SYNE1: variants seen among roughly 807,000 people sequenced by gnomAD.
SYNE1 encodes the protein spectrin repeat containing nuclear envelope protein 1.
SYNE1 carries 616 observed loss-of-function variants against 1,111.0 expected under a neutral mutation model. The ratio of observed to expected loss-of-function variants is 0.55; its 90% CI spans 0.52 to 0.59. The LOEUF (loss-of-function observed/expected upper bound fraction) is 0.59, where lower values mean the gene tolerates loss of function less well. Ranked by LOEUF, SYNE1 falls within the 20% of genes least tolerant of loss-of-function variation. SYNE1 has a pLI of 0.00. For missense variants in SYNE1, 10,006 were observed against 10,417.0 expected, an observed-to-expected ratio of 0.96 and a Z score of 1.72; for synonymous variants, 3,855 against 3,825.8, an observed-to-expected ratio of 1.01 and a Z score of -0.28.
chr6:152,347,162 C>A lies in SYNE1; in HGVS notation c.11975G>T (p.Gly3992Val), dbSNP rs1300563595. The A allele has an allele frequency of 6.2e-7, 1 of 1,614,096 alleles. No homozygotes were observed. The highest frequency in any genetic ancestry group is 8.5e-7 in the Non-Finnish European group (1 of 1,180,016). Reference sequence around the variant, plus strand: ...CGCTTGCAGGTGGTCTGCACATTGGCCAATCAAAGTATCACCTTTCATTTG... The same window carrying A: ...CGCTTGCAGGTGGTCTGCACATTGGACAATCAAAGTATCACCTTTCATTTG... ...NLQMKGDTLI[G>V]QCADHLQAKL... Residue 3992 changes from glycine to valine, a missense_variant, in exon 73 of 146, where the codon GGC (glycine) becomes GTC (valine). Coordinates refer to ENST00000367255, the MANE Select transcript of SYNE1 (RefSeq NM_182961.4).
chr6:152,367,061 G>T, intron 62 of SYNE1, 157 bp downstream of exon 62: 1 of 885,094 alleles, frequency 1.1e-6, no homozygotes, highest in Non-Finnish European at 1.9e-6. Context: ...GGAATTCTCT[G>T]GCATGTGCAC....
rs749900550 is a variant in SYNE1, at chr6:152,176,428, G to A, written c.23593C>T (p.Arg7865Trp). ...IEYKLGKVND[R>W]WQHLLDLIAA... The stretch of plus-strand genomic sequence containing the variant: ...ATGAGGTCCAGGAGATGCTGCCACC[G>A]GTCGTTGACCTTTCCCAGCTTGTAT... Residue 7865 changes from arginine (R) to tryptophan (W), a missense_variant, in exon 130 of 146, where the codon CGG (arginine) becomes TGG (tryptophan). Physicochemically the swap from Arg to Trp is moderately radical, Grantham distance 101. Transcript: ENST00000367255. The A allele has an allele frequency of 1.8e-5, 29 of 1,613,992 alleles. No homozygotes were observed. Among genetic ancestry groups the A allele is most frequent in the African/African-American group, 4.0e-5 (3 of 74,908 alleles).
intron 115 of SYNE1, among the ~76,000 whole-genome samples, chr6:152,228,669 T>C (rs1287578456): frequency 1.3e-5 from 2 of 152,262 alleles, no homozygotes; most frequent in Non-Finnish European, 2.9e-5. Flanking sequence ...GTCCTCACTT[T>C]GCTAATTCTA....
rs573065791 is a variant in SYNE1 at position 152,600,926 on chromosome 6, G to C, written c.67+27339C>G. Reference sequence around the variant, plus strand: ...ATTTTAGTAAAGAACTAAATGTCCAGTGAAGGTCTGAACAAACAGTTTCAT... The same window carrying C: ...ATTTTAGTAAAGAACTAAATGTCCACTGAAGGTCTGAACAAACAGTTTCAT... On this transcript the variant is annotated intron_variant, in intron 3 of 145. Transcript: ENST00000367255. 7.2e-5 allele frequency among the ~76,000 whole-genome samples: 11 copies of C among 152,326 alleles called. No homozygotes were observed. The South Asian group carries it at 1.7e-3, about 23-fold the overall frequency.
At chr6:152,384,721 A>C (rs943911686) in intron 55 of SYNE1, among the ~76,000 whole-genome samples, 3 of 152,028 alleles carry the variant, frequency 2.0e-5, no homozygotes, top group African/African-American at 7.2e-5. Flanking sequence ...ACTAAAATAA[A>C]TACAAAAGTT....
At chr6:152,225,897 T>C (rs748327139) in intron 115 of SYNE1, 21 bp from the exon 116 acceptor site, 3 of 1,608,172 alleles carry the variant, frequency 1.9e-6, no homozygotes, top group Non-Finnish European at 2.5e-6. Context: ...TAAAAAATAG[T>C]CACTTTAAAT....
At chr6:152,151,096 C>T (rs2060329387) in intron 135 of SYNE1, among the ~76,000 whole-genome samples, 1 of 151,956 alleles carries the variant, frequency 6.6e-6, no homozygotes, top group African/African-American at 2.4e-5. Flanking sequence ...GTGGTATGTG[C>T]CTGTAATCTC....
intron 73 of SYNE1, among the ~76,000 whole-genome samples, chr6:152,345,797 T>A (rs1045690696): frequency 6.6e-6 from 1 of 152,200 alleles, no homozygotes; most frequent in African/African-American, 2.4e-5. Flanking sequence ...TTTACCTATT[T>A]TAGTAAGTTT....
chr6:152,499,662 T>C (rs141693732), intron 10 of SYNE1, among the ~76,000 whole-genome samples: 9 of 152,272 alleles, frequency 5.9e-5, no homozygotes, highest in African/African-American at 1.4e-4. Flanking sequence ...CTGTTAAATA[T>C]AAGCCCTATG....
At chr6:152,205,235 C>T (rs562040355) in intron 126 of SYNE1, among the ~76,000 whole-genome samples, 4 of 152,172 alleles carry the variant, frequency 2.6e-5, no homozygotes, top group African/African-American at 9.6e-5. Flanking sequence ...TAGATACCCT[C>T]ACTGAAGTGT....
chr6:152,504,040 GT>G (rs1346756234), intron 9 of SYNE1, among the ~76,000 whole-genome samples: 1 of 151,972 alleles, frequency 6.6e-6, no homozygotes, highest in Non-Finnish European at 1.5e-5. Flanking sequence ...GGCAACCTCA[GT>G]TTCTAATCAT....
intron 2 of SYNE1, among the ~76,000 whole-genome samples, chr6:152,634,988 C>T (rs2099703804): frequency 6.6e-6 from 1 of 152,208 alleles, no homozygotes; most frequent in South Asian, 2.1e-4. Context: ...TGTGAAAATG[C>T]CACCAACCTT....
intron 127 of SYNE1, among the ~76,000 whole-genome samples, chr6:152,193,076 G>A (rs1587439522): frequency 1.3e-5 from 2 of 152,068 alleles, no homozygotes; most frequent in East Asian, 3.9e-4. Context: ...TTATTGATAA[G>A]TAAGGACTTA....
intron 3 of SYNE1, among the ~76,000 whole-genome samples, chr6:152,582,823 A>T (rs2099525048): frequency 6.6e-6 from 1 of 152,050 alleles, no homozygotes; most frequent in African/African-American, 2.4e-5. Flanking sequence ...TATACTGGCC[A>T]CTTACATATA....
At position 152,519,793 on chromosome 6, in the gene SYNE1, C is replaced by A. The variant is rs115851313; in HGVS notation, c.309+666G>T. 5.1e-3 allele frequency among the ~76,000 whole-genome samples: 778 copies of A among 152,232 alleles called. 11 individuals are homozygous for A. Among genetic ancestry groups the A allele is most frequent in the African/African-American group, 0.018 (741 of 41,540 alleles). On this transcript the variant is annotated intron_variant, in intron 6 of 145. Transcript: ENST00000367255. ...TATAAAGGGAAAAACAGTGACTCTA[C>A]CATAGGAAAGCATGGCAGACACCAC...
intron 22 of SYNE1, chr6:152,456,697 C>A (rs1333441068): frequency 4.5e-6 from 2 of 449,342 alleles, no homozygotes; most frequent in African/African-American, 4.0e-5. Context: ...TTGTAGCCTG[C>A]AATTGTGATT....
intron 102 of SYNE1, 31 bp from the exon 103 acceptor site, chr6:152,255,777 A>T: frequency 6.2e-7 from 1 of 1,613,578 alleles, no homozygotes; most frequent in Non-Finnish European, 8.5e-7. Flanking sequence ...TCAAATAATC[A>T]ATTTCAGTGT....
chr6:152,471,834 GT>G, intron 15 of SYNE1, 69 bp from the exon 16 acceptor site: 2 of 1,483,848 alleles, frequency 1.3e-6, no homozygotes, highest in Non-Finnish European at 1.9e-6. Flanking sequence ...TACTTAACCT[GT>G]TACATGTCAG....
chr6:152,251,010 C>T lies in SYNE1; in HGVS notation c.19471-1748G>A, dbSNP rs916389352. ...TGTCACCCAGGCTGGAGTGCGGTGG[C>T]GCGATCTCGGCTCACTGGAACCTCA... On this transcript the variant is annotated intron_variant, in intron 104 of 145. Coordinates refer to ENST00000367255, the MANE Select transcript of SYNE1 (RefSeq NM_182961.4). Among the ~76,000 whole-genome samples, 36 of 152,080 alleles carry T rather than the reference C, an allele frequency of 2.4e-4. 1 individual carries two copies. Among genetic ancestry groups the T allele is most frequent in the Admixed American group, 8.5e-4 (13 of 15,264 alleles).
Sources: gnomAD v4.1 joint callset for allele counts (sites outside exome capture counted in the v4.1 genomes callset) on GRCh38, gnomAD v4.1.1 for gene constraint, MANE v1.5 for transcripts, NCBI Gene and HGNC (gene_info 2026-07-23, HGNC 2026-07-21) for gene names.